SGMS1: variants seen among roughly 807,000 people sequenced by gnomAD.
SGMS1 encodes the protein phosphatidylcholine:ceramide cholinephosphotransferase 1.
Under a neutral mutation model 46.2 loss-of-function variants are expected in SGMS1, and 13 were observed. That is an observed-to-expected ratio of 0.28 (90% CI 0.18 to 0.45). The LOEUF is 0.45. Among genes scored for constraint, SGMS1 ranks in the 20% least tolerant of loss-of-function variants. SGMS1 has a pLI of 1.00. For synonymous variants in SGMS1, 203 were observed against 187.8 expected, an observed-to-expected ratio of 1.08 and a Z score of -0.66; for missense variants, 324 against 519.9, an observed-to-expected ratio of 0.62 and a Z score of 3.66.
Position 50,431,656 on chromosome 10 carries a change from T to C in SGMS1, c.-232+1820A>G, listed in dbSNP as rs1004570841. Among the ~76,000 whole-genome samples the C allele has an allele frequency of 3.3e-5, 5 of 152,330 alleles. No individual in the cohort carries two copies. The South Asian group carries it at 6.2e-4, about 19-fold the overall frequency. ...AACTGCCCAGGTTTTGTTTTGTTTT[T>C]ACTCTCTCCCTAGAGGCAATTGGGT... On this transcript the variant is annotated intron_variant, in intron 6 of 10. Coordinates refer to ENST00000361781, the MANE Select transcript of SGMS1 (RefSeq NM_147156.4).
intron 9 of SGMS1, among the ~76,000 whole-genome samples, chr10:50,308,991 A>G (rs2842085): frequency 0.64 from 97,703 of 152,132 alleles, 32,847 homozygotes; most frequent in African/African-American, 0.84. Flanking sequence ...AATGCTCTAG[A>G]TACCTGGATC....
At chr10:50,527,056 T>G (rs1422424344) in intron 2 of SGMS1, among the ~76,000 whole-genome samples, 2 of 111,858 alleles carry the variant, frequency 1.8e-5, no homozygotes, top group Non-Finnish European at 3.3e-5. Flanking sequence ...AGAGTGAGAC[T>G]CTGTCTCAAA....
intron 2 of SGMS1, among the ~76,000 whole-genome samples, chr10:50,549,283 C>A (rs551022404): frequency 2.0e-5 from 3 of 152,158 alleles, no homozygotes; most frequent in East Asian, 3.9e-4. Context: ...AGTAGAGACA[C>A]GAAATCAACC....
chr10:50,446,703 T>C (rs532235398), intron 5 of SGMS1, among the ~76,000 whole-genome samples: 1 of 152,198 alleles, frequency 6.6e-6, no homozygotes, highest in Non-Finnish European at 1.5e-5. Context: ...AGGCAAAATC[T>C]ACTGATAGAA....
chr10:50,531,399 AC>A (rs1837952196), intron 2 of SGMS1, among the ~76,000 whole-genome samples: 1 of 151,728 alleles, frequency 6.6e-6, no homozygotes, highest in African/African-American at 2.4e-5. Context: ...AAATTCCCTT[AC>A]CTTTATTCAT....
chr10:50,497,399 A>T (rs1205491763), intron 3 of SGMS1, among the ~76,000 whole-genome samples: 1 of 152,258 alleles, frequency 6.6e-6, no homozygotes, highest in Admixed American at 6.5e-5. Flanking sequence ...AAGACATGAC[A>T]AACAAGCTTC....
At chr10:50,577,705 C>T (rs1216273936) in intron 2 of SGMS1, among the ~76,000 whole-genome samples, 3 of 152,182 alleles carry the variant, frequency 2.0e-5, no homozygotes, top group African/African-American at 4.8e-5. Context: ...AACAGGCCAA[C>T]GCTTTTAAGT....
At chr10:50,599,923 C>CT (rs1838633853) in intron 1 of SGMS1, among the ~76,000 whole-genome samples, 1 of 152,188 alleles carries the variant, frequency 6.6e-6, no homozygotes, top group Admixed American at 6.5e-5. Flanking sequence ...GTCACTTAGT[C>CT]TGTCAGGCAG....
intron 6 of SGMS1, among the ~76,000 whole-genome samples, chr10:50,356,441 C>T (rs966532297): frequency 6.6e-6 from 1 of 152,128 alleles, no homozygotes; most frequent in Non-Finnish European, 1.5e-5. Flanking sequence ...GGCGGCAGGG[C>T]CCTCTGCCTA....
chr10:50,390,378 CTTTGT>C (rs970230281), intron 6 of SGMS1, among the ~76,000 whole-genome samples: 3 of 152,144 alleles, frequency 2.0e-5, no homozygotes, highest in Non-Finnish European at 4.4e-5. Flanking sequence ...TAAAGCTGAA[CTTTGT>C]TTTATTTGTT....
intron 6 of SGMS1, among the ~76,000 whole-genome samples, chr10:50,379,438 T>A (rs1589415266): frequency 6.7e-6 from 1 of 149,926 alleles, no homozygotes; most frequent in Non-Finnish European, 1.5e-5. Flanking sequence ...GCATATACAT[T>A]TATATATATA....
chr10:50,454,050 CAAAA>C (rs71846628), intron 5 of SGMS1, among the ~76,000 whole-genome samples: 9 of 98,016 alleles, frequency 9.2e-5, no homozygotes, highest in African/African-American at 2.7e-4. Context: ...TTTACATAGG[CAAAA>C]AAAAAAAAAA....
chr10:50,468,676 CA>C (rs1228889487), intron 3 of SGMS1, among the ~76,000 whole-genome samples: 1 of 152,178 alleles, frequency 6.6e-6, no homozygotes, highest in Non-Finnish European at 1.5e-5. Context: ...GTGTCATCTT[CA>C]AATGGCATGC....
chr10:50,446,192 G>A (rs1837011177), intron 5 of SGMS1, among the ~76,000 whole-genome samples: 1 of 152,068 alleles, frequency 6.6e-6, no homozygotes, highest in African/African-American at 2.4e-5. Context: ...CATTTGCCTT[G>A]TGATATTTTA....
chr10:50,395,530 T>C (rs775244174), intron 6 of SGMS1, among the ~76,000 whole-genome samples: 29 of 152,186 alleles, frequency 1.9e-4, no homozygotes, highest in Admixed American at 1.3e-4. Flanking sequence ...AACCTGCTTG[T>C]TTCCATTATT....
chr10:50,514,221 G>A (rs750263419), intron 3 of SGMS1, among the ~76,000 whole-genome samples: 15 of 152,142 alleles, frequency 9.9e-5, no homozygotes, highest in Non-Finnish European at 2.2e-4. Context: ...TCATAAAAGG[G>A]CGAGGAGAAG....
intron 7 of SGMS1, among the ~76,000 whole-genome samples, chr10:50,336,551 G>A (rs12146309): frequency 0.15 from 23,537 of 152,010 alleles, 2,364 homozygotes; most frequent in Non-Finnish European, 0.22. Context: ...ACACATGCAC[G>A]TCTCCCAGAT....
chr10:50,322,789 G>T (rs1022457342), intron 8 of SGMS1, among the ~76,000 whole-genome samples: 1 of 139,322 alleles, frequency 7.2e-6, no homozygotes, highest in Admixed American at 7.7e-5. Flanking sequence ...CCGAGATTGC[G>T]CCACTGCAGT....
intron 3 of SGMS1, among the ~76,000 whole-genome samples, chr10:50,491,379 A>G (rs1837566565): frequency 6.6e-6 from 1 of 152,202 alleles, no homozygotes; most frequent in South Asian, 2.1e-4. Flanking sequence ...AAGAATAAGC[A>G]AATAAAAAAT....
Sources: allele counts gnomAD v4.1 joint callset (sites outside exome capture counted in the v4.1 genomes callset), GRCh38; gene constraint gnomAD v4.1.1; transcripts MANE v1.5; gene names NCBI Gene and HGNC (gene_info 2026-07-23, HGNC 2026-07-21).